Variants in PTPRO observed in about 807,000 individuals in gnomAD.
PTPRO encodes the protein protein tyrosine phosphatase receptor type O, also known as receptor-type tyrosine-protein phosphatase O.
Under a neutral mutation model 145.2 loss-of-function variants are expected in PTPRO, and 62 were observed. The observed-to-expected ratio is 0.43, with a 90% CI of 0.35 to 0.53. The LOEUF is 0.53. Among genes scored for constraint, PTPRO ranks in the 20% least tolerant of loss-of-function variants. The probability of loss-of-function intolerance (pLI) is 0.01; values close to 1 mark genes in which losing one functional copy is unlikely to be tolerated. For synonymous variants in PTPRO, 565 were observed against 514.7 expected (o/e 1.10, Z -1.32); for missense variants, 1,345 against 1,482.7 (o/e 0.91, Z 1.53).
chr12:15,403,650 G>A (rs1939564378), intron 1 of PTPRO, among the ~76,000 whole-genome samples: 1 of 152,074 alleles, frequency 6.6e-6, no homozygotes, highest in Non-Finnish European at 1.5e-5. Flanking sequence ...TGTTTGGTGT[G>A]GCCCTACTTG....
chr12:15,482,963 G>A (rs1028618847), intron 1 of PTPRO, among the ~76,000 whole-genome samples: 8 of 152,206 alleles, frequency 5.3e-5, no homozygotes, highest in South Asian at 2.1e-4. Flanking sequence ...GTAACGATAC[G>A]TATCTCATGA....
At chr12:15,539,669 G>A (rs374700696) in intron 12 of PTPRO, among the ~76,000 whole-genome samples, 110 of 148,554 alleles carry the variant, frequency 7.4e-4, no homozygotes, top group African/African-American at 2.7e-3. Flanking sequence ...GGCTGAGGCA[G>A]GAGAATTTTT....
chr12:15,362,018 G>A (rs1248349133), intron 1 of PTPRO, among the ~76,000 whole-genome samples: 5 of 152,180 alleles, frequency 3.3e-5, no homozygotes, highest in African/African-American at 9.6e-5. Context: ...ATCATAGATC[G>A]GACCTACAAT....
intron 1 of PTPRO, among the ~76,000 whole-genome samples, chr12:15,424,554 C>T (rs1451957487): frequency 6.6e-6 from 1 of 151,952 alleles, no homozygotes; most frequent in Non-Finnish European, 1.5e-5. Context: ...TTTTGGGAGA[C>T]ATGCACATAG....
At chr12:15,594,119 T>C (rs1944608151) in intron 25 of PTPRO, among the ~76,000 whole-genome samples, 1 of 152,120 alleles carries the variant, frequency 6.6e-6, no homozygotes, top group African/African-American at 2.4e-5. Flanking sequence ...TTCTAGAAAA[T>C]ATTTTTCTTT....
At chr12:15,449,437 A>G (rs1011283916) in intron 1 of PTPRO, among the ~76,000 whole-genome samples, 1 of 152,204 alleles carries the variant, frequency 6.6e-6, no homozygotes, top group Non-Finnish European at 1.5e-5. Context: ...CATACCATGG[A>G]CAGGGAAGAG....
chr12:15,517,154 T>A, intron 9 of PTPRO, 198 bp downstream of exon 9: 1 of 644,316 alleles, frequency 1.6e-6, no homozygotes, highest in South Asian at 1.9e-5. Flanking sequence ...TAATTGGACT[T>A]ACAGTTCCAC....
At chr12:15,525,069 C>G (rs1942809687) in intron 11 of PTPRO, 104 bp downstream of exon 11, 20 of 1,366,466 alleles carry the variant, frequency 1.5e-5, no homozygotes, top group Non-Finnish European at 2.0e-5. Flanking sequence ...TGTTTGCATA[C>G]CAGTTGTCTG....
In PTPRO at chr12:15,507,450, T is replaced by TAAATAAATAAATAAC. The variant is rs141407524; in HGVS notation, c.1268-1119_1268-1118insATAAATAAATAACAA. Among the ~76,000 whole-genome samples, 1,233 of 148,264 alleles carry TAAATAAATAAATAAC rather than the reference T, an allele frequency of 8.3e-3. 10 individuals carry two copies. Among genetic ancestry groups the TAAATAAATAAATAAC allele is most frequent in the East Asian group, 0.013 (63 of 5,038 alleles). ...ATAAATAAATAAATAAATAAATAAA[T>TAAATAAATAAATAAC]AAGGAATGAAATACGTAACACATAA... On this transcript the variant is annotated intron_variant, in intron 6 of 26. Coordinates refer to ENST00000281171, the MANE Select transcript of PTPRO (RefSeq NM_030667.3).
chr12:15,451,456 A>G (rs1941044696), intron 1 of PTPRO, among the ~76,000 whole-genome samples: 1 of 152,178 alleles, frequency 6.6e-6, no homozygotes, highest in African/African-American at 2.4e-5. Context: ...ACGTCAACAA[A>G]GAAACAATGG....
At chr12:15,497,165 C>A (rs998108987) in intron 2 of PTPRO, 80 bp from the exon 3 acceptor site, 2 of 1,309,428 alleles carry the variant, frequency 1.5e-6, no homozygotes, top group Non-Finnish European at 2.2e-6. Context: ...TAGGTGTAAT[C>A]CTTGCTTAAT....
intron 1 of PTPRO, among the ~76,000 whole-genome samples, chr12:15,372,760 C>T (rs912025632): frequency 6.6e-6 from 1 of 152,068 alleles, no homozygotes. Flanking sequence ...GAATCTACCA[C>T]TAAAAATAAG....
chr12:15,595,252 C>T (rs1388165224), intron 26 of PTPRO, 195 bp downstream of exon 26: 2 of 561,970 alleles, frequency 3.6e-6, no homozygotes, highest in Non-Finnish European at 3.3e-6. Flanking sequence ...AGTTTCAATG[C>T]ACCTTGGTTG....
At chr12:15,407,532 T>C (rs1939681314) in intron 1 of PTPRO, among the ~76,000 whole-genome samples, 1 of 152,234 alleles carries the variant, frequency 6.6e-6, no homozygotes, top group African/African-American at 2.4e-5. Context: ...TACTTTACCA[T>C]CTACTTGGAG....
At chr12:15,364,558 C>G (rs56361757) in intron 1 of PTPRO, among the ~76,000 whole-genome samples, 35,419 of 152,070 alleles carry the variant, frequency 0.23, 4,318 homozygotes, top group Non-Finnish European at 0.27. Context: ...CTGTGACAAG[C>G]AGCCTCTGTA....
At chr12:15,499,091 A>G (rs944351443) in intron 3 of PTPRO, among the ~76,000 whole-genome samples, 4 of 152,176 alleles carry the variant, frequency 2.6e-5, no homozygotes, top group Non-Finnish European at 5.9e-5. Flanking sequence ...AGGTGGCAAA[A>G]TACCTTGGAT....
At chr12:15,545,111 G>T (rs1943255351) in intron 12 of PTPRO, among the ~76,000 whole-genome samples, 1 of 152,042 alleles carries the variant, frequency 6.6e-6, no homozygotes, top group Non-Finnish European at 1.5e-5. Flanking sequence ...TAGAAACAAG[G>T]TTCAAATCTT....
intron 2 of PTPRO, among the ~76,000 whole-genome samples, chr12:15,484,904 T>C (rs993670787): frequency 4.6e-5 from 7 of 152,128 alleles, no homozygotes; most frequent in Non-Finnish European, 1.0e-4. Context: ...GACTTTAATA[T>C]CTAATCTCAA....
chr12:15,408,911 C>T (rs1040972384), intron 1 of PTPRO, among the ~76,000 whole-genome samples: 2 of 152,046 alleles, frequency 1.3e-5, no homozygotes, highest in Middle Eastern at 3.2e-3. Context: ...AGATTATAAA[C>T]CTCAAGAGAT....
Sources: gnomAD v4.1 joint callset for allele counts (sites outside exome capture counted in the v4.1 genomes callset) on GRCh38, gnomAD v4.1.1 for gene constraint, MANE v1.5 for transcripts, NCBI Gene and HGNC (gene_info 2026-07-23, HGNC 2026-07-21) for gene names.